Variants in ABCA13 observed in about 807,000 individuals in gnomAD.
ABCA13 encodes the protein ATP binding cassette subfamily A member 13, also known as ATP-binding cassette sub-family A member 13.
In ABCA13, 476 loss-of-function variants were observed where a neutral mutation model predicts 478.7. That is an observed-to-expected ratio of 0.99 (90% CI 0.92 to 1.07). ABCA13 has a LOEUF of 1.07. Among genes scored for constraint, ABCA13 ranks in the 50% least tolerant of loss-of-function variants. The pLI is 0.00. For synonymous variants in ABCA13, 2,252 were observed against 2,158.9 expected (o/e 1.04, Z -1.20); for missense variants, 6,060 against 5,910.6 (o/e 1.03, Z -0.83).
intron 59 of ABCA13, among the ~76,000 whole-genome samples, chr7:48,633,605 G>A (rs937418969): frequency 2.6e-5 from 4 of 151,810 alleles, no homozygotes; most frequent in African/African-American, 7.3e-5. Flanking sequence ...GGCTGGGTGC[G>A]GTAGCTCACC....
intron 27 of ABCA13, among the ~76,000 whole-genome samples, chr7:48,325,983 G>A (rs1431360929): frequency 6.6e-6 from 1 of 152,186 alleles, no homozygotes; most frequent in African/African-American, 2.4e-5. Context: ...AATCTGCAAG[G>A]CTATAAAAGG....
chr7:48,493,340 G>A (rs891682771), intron 48 of ABCA13, among the ~76,000 whole-genome samples: 18 of 151,876 alleles, frequency 1.2e-4, no homozygotes, highest in Admixed American at 2.6e-4. Flanking sequence ...TGCTTCTTTC[G>A]TTATTAGGAC....
chr7:48,458,860 G>A lies in ABCA13; in HGVS notation c.12815+3574G>A, dbSNP rs564114259. Among the ~76,000 whole-genome samples the A allele has an allele frequency of 5.9e-5, 9 of 152,248 alleles. No individual in the cohort carries two copies. In the East Asian group the frequency reaches 1.2e-3, roughly 20 times the overall value. Reference sequence around the variant, plus strand: ...TTTGGTGGCCAGGTAGGGAGTGAACGCATGACATCCACAGGGCTGTAAAGA... The same window carrying A: ...TTTGGTGGCCAGGTAGGGAGTGAACACATGACATCCACAGGGCTGTAAAGA... On this transcript the variant is annotated intron_variant, in intron 43 of 61. Transcript: ENST00000435803.
intron 58 of ABCA13, among the ~76,000 whole-genome samples, chr7:48,602,289 G>A (rs912615363): frequency 2.0e-5 from 3 of 152,124 alleles, no homozygotes; most frequent in Admixed American, 2.0e-4. Flanking sequence ...TAGTCATGAA[G>A]TCTTTGCCCA....
chr7:48,609,329 TA>T (rs1288524339), intron 58 of ABCA13, among the ~76,000 whole-genome samples: 1 of 152,192 alleles, frequency 6.6e-6, no homozygotes, highest in African/African-American at 2.4e-5. Flanking sequence ...TTCATTTCCA[TA>T]AATCTGTCCA....
chr7:48,289,670 A>G (rs1243987169), intron 20 of ABCA13, among the ~76,000 whole-genome samples: 1 of 152,046 alleles, frequency 6.6e-6, no homozygotes, highest in Non-Finnish European at 1.5e-5. Flanking sequence ...CTCACAGACA[A>G]TTTTTTAGTG....
chr7:48,401,889 G>A (rs1210317581), intron 38 of ABCA13, among the ~76,000 whole-genome samples: 1 of 152,120 alleles, frequency 6.6e-6, no homozygotes, highest in Admixed American at 6.5e-5. Flanking sequence ...AACCAGATCG[G>A]TCAGTTTAAT....
intron 38 of ABCA13, among the ~76,000 whole-genome samples, chr7:48,395,667 G>C (rs1315151555): frequency 2.0e-5 from 3 of 152,134 alleles, no homozygotes; most frequent in African/African-American, 7.2e-5. Flanking sequence ...AGACCTTTAT[G>C]ATGATCCACT....
chr7:48,456,230 T>C (rs1274354791), intron 43 of ABCA13, among the ~76,000 whole-genome samples: 3 of 152,236 alleles, frequency 2.0e-5, no homozygotes, highest in African/African-American at 7.2e-5. Context: ...ATATATATGC[T>C]TACTAAAATA....
intron 42 of ABCA13, among the ~76,000 whole-genome samples, chr7:48,437,199 G>C (rs915119335): frequency 2.6e-5 from 4 of 151,964 alleles, no homozygotes; most frequent in African/African-American, 9.7e-5. Context: ...GAGCTCTCAT[G>C]ATGGGTATCT....
At chr7:48,346,313 A>G (rs754510190) in intron 29 of ABCA13, among the ~76,000 whole-genome samples, 1 of 152,226 alleles carries the variant, frequency 6.6e-6, no homozygotes, top group Admixed American at 6.5e-5. Context: ...AAGTCACACT[A>G]TAGTGAGACC....
intron 19 of ABCA13, among the ~76,000 whole-genome samples, chr7:48,284,945 G>A (rs1797525545): frequency 6.6e-6 from 1 of 152,154 alleles, no homozygotes. Context: ...TATTATTGTT[G>A]CTGAAAATGC....
chr7:48,313,983 A>G (rs5002965), intron 25 of ABCA13, among the ~76,000 whole-genome samples: 20 of 78,190 alleles, frequency 2.6e-4, no homozygotes, highest in African/African-American at 3.4e-4. Flanking sequence ...GTGTGTGTGT[A>G]TGTGTGTGTG....
intron 3 of ABCA13, among the ~76,000 whole-genome samples, chr7:48,216,182 C>A (rs1198815812): frequency 6.6e-6 from 1 of 152,152 alleles, no homozygotes; most frequent in African/African-American, 2.4e-5. Flanking sequence ...TGTTTTTCAA[C>A]GTGGCTCTAC....
In ABCA13 at chr7:48,278,878, A is replaced by G. The variant is rs751369881; in HGVS notation, c.7684A>G (p.Met2562Val). ...VKFFDTLYSI[M>V]QQSVQNLVKE... ...ATTCTTTGACACTCTGTATTCCATCATGCAACAAAGTGTTCAAAATCTTGT... is the reference window on the plus strand; with the variant it reads ...ATTCTTTGACACTCTGTATTCCATCGTGCAACAAAGTGTTCAAAATCTTGT... The change falls in exon 18 of 62, where the codon ATG (methionine) becomes GTG (valine). Residue 2562 changes from methionine to valine, a missense_variant. Coordinates refer to ENST00000435803, the MANE Select transcript of ABCA13 (RefSeq NM_152701.5). The G allele has an allele frequency of 2.5e-6, 4 of 1,613,320 alleles. No homozygotes were observed. The highest frequency in any genetic ancestry group is 2.7e-5 in the African/African-American group (2 of 74,940).
intron 59 of ABCA13, among the ~76,000 whole-genome samples, chr7:48,630,187 G>T (rs1203518193): frequency 6.6e-6 from 1 of 152,094 alleles, no homozygotes. Context: ...AGTTTTAGGG[G>T]TATAGGTGTG....
intron 7 of ABCA13, among the ~76,000 whole-genome samples, chr7:48,230,318 T>C (rs1375716844): frequency 6.6e-6 from 1 of 152,192 alleles, no homozygotes; most frequent in East Asian, 1.9e-4. Context: ...GGAAATATTT[T>C]AAAAATGGCA....
chr7:48,449,096 G>A (rs990503436), intron 42 of ABCA13, among the ~76,000 whole-genome samples: 1 of 152,126 alleles, frequency 6.6e-6, no homozygotes, highest in Non-Finnish European at 1.5e-5. Context: ...GCCCACCTTG[G>A]CCTCCCAAAG....
intron 1 of ABCA13, among the ~76,000 whole-genome samples, chr7:48,191,941 A>G (rs1021237593): frequency 1.3e-5 from 2 of 152,148 alleles, no homozygotes; most frequent in African/African-American, 4.8e-5. Context: ...AAACAGTAAG[A>G]TATCCTCTTT....
Sources: gnomAD v4.1 joint callset for allele counts (sites outside exome capture counted in the v4.1 genomes callset) on GRCh38, gnomAD v4.1.1 for gene constraint, MANE v1.5 for transcripts, NCBI Gene and HGNC (gene_info 2026-07-23, HGNC 2026-07-21) for gene names.